The following ARHGAP6 variants were observed in gnomAD, a reference collection of about 807,000 sequenced individuals.
ARHGAP6 encodes the protein Rho GTPase activating protein 6, also known as rho GTPase-activating protein 6.
A neutral mutation model predicts 55.7 loss-of-function variants in ARHGAP6; 16 were observed. The ratio of observed to expected loss-of-function variants is 0.29; its 90% CI spans 0.19 to 0.44. The LOEUF (loss-of-function observed/expected upper bound fraction) is 0.44. ARHGAP6 is among the 20% of genes least tolerant of loss of function. ARHGAP6 has a pLI of 1.00. For synonymous variants in ARHGAP6, 382 were observed against 360.9 expected (o/e 1.06, Z -0.66); for missense variants, 698 against 808.9 (o/e 0.86, Z 1.66).
chrX:11,414,631 A>G (rs752239698), intron 1 of ARHGAP6, among the ~76,000 whole-genome samples: 2 of 111,598 alleles, frequency 1.8e-5, no homozygotes, highest in South Asian at 3.7e-4. Flanking sequence ...TCAAACTTCA[A>G]TGAGACAAGA....
intron 1 of ARHGAP6, among the ~76,000 whole-genome samples, chrX:11,317,388 C>T (rs985321085): frequency 1.8e-5 from 2 of 111,871 alleles, no homozygotes; most frequent in Non-Finnish European, 3.8e-5. Context: ...CTGGGGTGGT[C>T]ACCCACAGTT....
intron 2 of ARHGAP6, among the ~76,000 whole-genome samples, chrX:11,227,969 T>G (rs770778749): frequency 1.1e-4 from 12 of 110,454 alleles, no homozygotes; most frequent in African/African-American, 3.3e-4. Context: ...CGGAAGAGAT[T>G]GTGTACTCAT....
chrX:11,633,891 T>A (rs536535289), intron 1 of ARHGAP6, among the ~76,000 whole-genome samples: 1 of 111,667 alleles, frequency 9.0e-6, no homozygotes, highest in South Asian at 3.7e-4. Context: ...TCTCAGTAAG[T>A]TGCTTTTTGC....
intron 3 of ARHGAP6, among the ~76,000 whole-genome samples, chrX:11,192,046 T>C (rs2046468602): frequency 9.0e-6 from 1 of 111,725 alleles, no homozygotes; most frequent in African/African-American, 3.3e-5. Flanking sequence ...TCCATAGATA[T>C]TTCACACCTC....
At chrX:11,621,306 T>C (rs1237483864) in intron 1 of ARHGAP6, among the ~76,000 whole-genome samples, 1 of 111,562 alleles carries the variant, frequency 9.0e-6, no homozygotes, top group Admixed American at 9.5e-5. Context: ...AGAATATGAG[T>C]TTACTGTGGT....
At chrX:11,594,581 G>A (rs1310918638) in intron 1 of ARHGAP6, among the ~76,000 whole-genome samples, 1 of 110,706 alleles carries the variant, frequency 9.0e-6, no homozygotes, top group East Asian at 2.9e-4. Flanking sequence ...TATCAGATCA[G>A]TGGCATTAGA....
At chrX:11,359,074 C>G (rs1448403973) in intron 1 of ARHGAP6, among the ~76,000 whole-genome samples, 2 of 112,002 alleles carry the variant, frequency 1.8e-5, no homozygotes, top group African/African-American at 6.5e-5. Context: ...ATTAATAACT[C>G]TTTGTTATAA....
intron 1 of ARHGAP6, among the ~76,000 whole-genome samples, chrX:11,311,650 A>G (rs974130996): frequency 3.6e-5 from 4 of 111,795 alleles, no homozygotes; most frequent in African/African-American, 6.5e-5. Flanking sequence ...CTTCTGAAAA[A>G]TGTCGATCAA....
At chrX:11,221,149 G>T (rs1441703305) in intron 2 of ARHGAP6, among the ~76,000 whole-genome samples, 1 of 112,179 alleles carries the variant, frequency 8.9e-6, no homozygotes, top group African/African-American at 3.2e-5. Context: ...GCTTTTTGAA[G>T]AGTTTTTCAT....
chrX:11,635,294 C>CT (rs2052405732), intron 1 of ARHGAP6, among the ~76,000 whole-genome samples: 1 of 110,335 alleles, frequency 9.1e-6, no homozygotes, highest in African/African-American at 3.3e-5. Flanking sequence ...CAAAAGACTA[C>CT]TTCAAGGAAA....
Position 11,590,775 on chromosome X carries a change from C to CAAAAA in ARHGAP6, c.588+73465_588+73466insTTTTT, listed in dbSNP as rs1216907403. 2.5e-3 allele frequency among the ~76,000 whole-genome samples: 27 copies of CAAAAA among 10,723 alleles called. 5 individuals carry two copies. Among genetic ancestry groups the CAAAAA allele is most frequent in the Middle Eastern group, 0.059 (1 of 17 alleles). The allele number at this position is 10,723 out of a possible 115,157, so 9.3% of individuals were successfully genotyped here. On this transcript the variant is annotated intron_variant, in intron 1 of 12. Coordinates refer to ENST00000337414, the MANE Select transcript of ARHGAP6 (RefSeq NM_013427.3). ...TGGGTGACAGAGTGAGACTCCATCT[C>CAAAAA]GAAAAGAAAAGAAAAGAAAAGAAAA...
chrX:11,150,312 G>A (rs1452421077), intron 10 of ARHGAP6, among the ~76,000 whole-genome samples: 2 of 111,122 alleles, frequency 1.8e-5, no homozygotes, highest in African/African-American at 6.6e-5. Flanking sequence ...ATTTATGGGG[G>A]ATTTTCACAT....
At chrX:11,311,958 C>A (rs1175593486) in intron 1 of ARHGAP6, among the ~76,000 whole-genome samples, 1 of 109,727 alleles carries the variant, frequency 9.1e-6, no homozygotes, top group Non-Finnish European at 1.9e-5. Flanking sequence ...GGAAAATGAA[C>A]TGTGTTTGGC....
chrX:11,558,068 C>CA (rs2051339753), intron 1 of ARHGAP6, among the ~76,000 whole-genome samples: 1 of 112,115 alleles, frequency 8.9e-6, no homozygotes, highest in Non-Finnish European at 1.9e-5. Flanking sequence ...TACAAACCCA[C>CA]ACGCTCCATG....
chrX:11,635,701 T>C (rs1271769203), intron 1 of ARHGAP6, among the ~76,000 whole-genome samples: 1 of 111,538 alleles, frequency 9.0e-6, no homozygotes, highest in East Asian at 2.8e-4. Flanking sequence ...AAGAAATCTC[T>C]TTAAATAACC....
At chrX:11,580,151 TAAAC>T (rs1301230364) in intron 1 of ARHGAP6, among the ~76,000 whole-genome samples, 6 of 111,990 alleles carry the variant, frequency 5.4e-5, no homozygotes, top group East Asian at 5.6e-4. Context: ...CTACCAAAAC[TAAAC>T]AAACAAACAA....
At chrX:11,172,590 C>T (rs760002352) in intron 8 of ARHGAP6, among the ~76,000 whole-genome samples, 3 of 111,777 alleles carry the variant, frequency 2.7e-5, no homozygotes, top group Non-Finnish European at 3.8e-5. Flanking sequence ...GCTCTGTTTC[C>T]GCTCTTTCCT....
chrX:11,198,023 A>G (rs1408854811), intron 2 of ARHGAP6, among the ~76,000 whole-genome samples: 1 of 112,183 alleles, frequency 8.9e-6, no homozygotes, highest in Non-Finnish European at 1.9e-5. Context: ...AAATGTAAAG[A>G]AAGAGATTCA....
chrX:11,347,866 G>A (rs748382537), intron 1 of ARHGAP6, among the ~76,000 whole-genome samples: 37 of 89,851 alleles, frequency 4.1e-4, no homozygotes, highest in Non-Finnish European at 6.5e-4. Context: ...GATTAAATGA[G>A]CTACAATCCT....
Sources: allele counts gnomAD v4.1 joint callset (sites outside exome capture counted in the v4.1 genomes callset), GRCh38; gene constraint gnomAD v4.1.1; transcripts MANE v1.5; gene names NCBI Gene and HGNC (gene_info 2026-07-23, HGNC 2026-07-21).